The following ICA1 variants were observed in gnomAD, a reference collection of about 807,000 sequenced individuals.
ICA1 encodes 69 kDa islet cell autoantigen.
In ICA1, 40 loss-of-function variants were observed where a neutral mutation model predicts 71.0. That is an observed-to-expected ratio of 0.56 (90% CI 0.44 to 0.73). The LOEUF is 0.73. Ranked by LOEUF, ICA1 falls within the 30% of genes least tolerant of loss-of-function variation. The pLI, the probability that ICA1 is intolerant of heterozygous loss-of-function variation, is 0.00. For synonymous variants in ICA1, 207 were observed against 209.5 expected, an observed-to-expected ratio of 0.99 and a Z score of 0.10; for missense variants, 578 against 576.5, an observed-to-expected ratio of 1.00 and a Z score of -0.03.
chr7:8,176,020 C>T (rs962460648), intron 6 of ICA1, among the ~76,000 whole-genome samples: 17 of 152,184 alleles, frequency 1.1e-4, no homozygotes, highest in Non-Finnish European at 2.1e-4. Context: ...ACAACTGTTT[C>T]ATTCTGCAAC....
At chr7:8,174,985 G>A (rs981684325) in intron 6 of ICA1, among the ~76,000 whole-genome samples, 7 of 152,144 alleles carry the variant, frequency 4.6e-5, no homozygotes, top group African/African-American at 1.4e-4. Flanking sequence ...GAGAGGAATG[G>A]GTGGTTAAAC....
At chr7:8,210,304 G>C (rs1451777007) in intron 6 of ICA1, among the ~76,000 whole-genome samples, 3 of 152,226 alleles carry the variant, frequency 2.0e-5, no homozygotes, top group African/African-American at 7.2e-5. Flanking sequence ...TCAGCCTCTA[G>C]CTTGGGAAAC....
chr7:8,117,426 G>A (rs1444148587), intron 13 of ICA1, among the ~76,000 whole-genome samples: 4 of 152,144 alleles, frequency 2.6e-5, no homozygotes, highest in African/African-American at 9.7e-5. Context: ...TGTCTGTCCT[G>A]GAGGTTTTCA....
chr7:8,158,807 T>G (rs1458052211), intron 6 of ICA1, among the ~76,000 whole-genome samples, 155 bp from the exon 7 acceptor site: 1 of 152,248 alleles, frequency 6.6e-6, no homozygotes, highest in African/African-American at 2.4e-5. Flanking sequence ...ACATCCATTC[T>G]TTACCTCCAA....
In ICA1 at chr7:8,132,316, C is replaced by T. The variant is rs765743408; in HGVS notation, c.1061-4174G>A. On this transcript the variant is annotated intron_variant, in intron 12 of 13. Transcript: ENST00000402384. The surrounding 1 kb of genome is among the most constrained non-coding windows in gnomAD (Gnocchi z 4.5). ...TTTTCCAATGCTTCCTTCCCCTAGC[C>T]GCAGGAGATGTGTGCCTATCTCAAC... 1.2e-4 allele frequency among the ~76,000 whole-genome samples: 19 copies of T among 152,136 alleles called. No individual in the cohort carries two copies. The highest frequency in any genetic ancestry group is 2.1e-4 in the South Asian group (1 of 4,824).
Position 8,158,645 on chromosome 7 carries a change from G to A in ICA1, c.587C>T (p.Thr196Ile), listed in dbSNP as rs952572650. The change falls in exon 7 of 14, where the codon ACA (threonine) becomes ATA (isoleucine). Residue 196 changes from threonine to isoleucine, a missense_variant. By Grantham distance (89) the Thr-to-Ile change is moderately conservative. Transcript: ENST00000402384. ...KQMEKFRKVQ[T>I]QVRLAKKNFD... ...GTTTTTTTTTGCAAGGCGCACTTGTGTTTGTACCTATGAAAATAAAGAGGA... is the reference window on the plus strand; with the variant it reads ...GTTTTTTTTTGCAAGGCGCACTTGTATTTGTACCTATGAAAATAAAGAGGA... The A allele has an allele frequency of 2.5e-6, 4 of 1,613,740 alleles. No homozygotes were observed. Among genetic ancestry groups the A allele is most frequent in the Non-Finnish European group, 3.4e-6 (4 of 1,179,930 alleles).
At chr7:8,149,094 C>G (rs1403117363) in intron 8 of ICA1, among the ~76,000 whole-genome samples, 3 of 152,212 alleles carry the variant, frequency 2.0e-5, no homozygotes, top group African/African-American at 7.2e-5. Context: ...AACACCTGCT[C>G]AGGCAAAATG....
intron 13 of ICA1, among the ~76,000 whole-genome samples, chr7:8,119,593 C>G (rs1169912908): frequency 6.6e-6 from 1 of 152,188 alleles, no homozygotes; most frequent in African/African-American, 2.4e-5. Flanking sequence ...CGTCTGTAAT[C>G]CCAGCACTTT....
intron 1 of ICA1, among the ~76,000 whole-genome samples, chr7:8,252,814 C>A (rs887016358): frequency 2.6e-5 from 4 of 151,466 alleles, no homozygotes; most frequent in Non-Finnish European, 4.4e-5. Flanking sequence ...TACGTTGAAA[C>A]AATATTTTGA....
intron 6 of ICA1, among the ~76,000 whole-genome samples, chr7:8,185,112 T>G (rs1783501688): frequency 6.6e-6 from 1 of 151,372 alleles, no homozygotes; most frequent in African/African-American, 2.4e-5. Context: ...AAATGAGAGA[T>G]AAATTTTTAA....
chr7:8,192,064 A>G (rs1235270701), intron 6 of ICA1, among the ~76,000 whole-genome samples: 1 of 152,224 alleles, frequency 6.6e-6, no homozygotes, highest in Non-Finnish European at 1.5e-5. Context: ...TTATTCTTAA[A>G]TAATTCAATA....
At chr7:8,149,948 C>G (rs1274047138) in intron 8 of ICA1, among the ~76,000 whole-genome samples, 1 of 152,182 alleles carries the variant, frequency 6.6e-6, no homozygotes, top group East Asian at 1.9e-4. Context: ...CATACGTACT[C>G]TCTTGCTCTC....
intron 1 of ICA1, among the ~76,000 whole-genome samples, chr7:8,240,747 G>A (rs1227903920): frequency 2.0e-5 from 3 of 152,122 alleles, no homozygotes; most frequent in African/African-American, 7.2e-5. Context: ...AACCATGGCA[G>A]GAGAACTACG....
At chr7:8,206,012 C>A (rs757363174) in intron 6 of ICA1, among the ~76,000 whole-genome samples, 8 of 152,162 alleles carry the variant, frequency 5.3e-5, no homozygotes, top group Non-Finnish European at 1.2e-4. Flanking sequence ...TCTCCCCCTC[C>A]CCCTTCGTTC....
At chr7:8,211,165 G>C (rs989781148) in intron 6 of ICA1, among the ~76,000 whole-genome samples, 2 of 152,182 alleles carry the variant, frequency 1.3e-5, no homozygotes, top group Non-Finnish European at 2.9e-5. Flanking sequence ...ACCTCCCAGA[G>C]AACCCACAGC....
intron 6 of ICA1, among the ~76,000 whole-genome samples, chr7:8,193,676 C>T (rs745456414): frequency 6.6e-6 from 1 of 151,984 alleles, no homozygotes; most frequent in African/African-American, 2.4e-5. Flanking sequence ...GATATCATAC[C>T]GAAGTTAGAG....
intron 6 of ICA1, among the ~76,000 whole-genome samples, chr7:8,198,883 G>A (rs182974086): frequency 2.5e-4 from 38 of 152,180 alleles, no homozygotes; most frequent in African/African-American, 9.2e-4. Flanking sequence ...TATATAAGAA[G>A]CTCAAATAAC....
chr7:8,218,846 C>A, intron 5 of ICA1: 1 of 370,688 alleles, frequency 2.7e-6, no homozygotes, highest in Non-Finnish European at 5.2e-6. Context: ...GGCATGACCA[C>A]TGCCCATTTC....
intron 8 of ICA1, 83 bp downstream of exon 8, chr7:8,157,033 C>A: frequency 2.5e-6 from 4 of 1,611,102 alleles, no homozygotes; most frequent in Non-Finnish European, 3.4e-6. Context: ...AATAATGATG[C>A]TTTCTGCAAT....
Sources: gnomAD v4.1 joint callset for allele counts (sites outside exome capture counted in the v4.1 genomes callset) on GRCh38, gnomAD v4.1.1 for gene constraint, Gnocchi (gnomAD v3.1) non-coding constraint, MANE v1.5 for transcripts, NCBI Gene and HGNC (gene_info 2026-07-23, HGNC 2026-07-21) for gene names.